AKAP13: variants seen among roughly 807,000 people sequenced by gnomAD.
AKAP13 encodes A-kinase anchor protein 13.
AKAP13 carries 80 observed loss-of-function variants against 264.5 expected under a neutral mutation model. That is an observed-to-expected ratio of 0.30 (90% confidence interval 0.25 to 0.36). AKAP13 has a LOEUF of 0.36. AKAP13 is among the 10% of genes least tolerant of loss of function. The pLI is 1.00. For missense variants in AKAP13, 3,712 were observed against 3,435.2 expected (o/e 1.08, Z -2.01); for synonymous variants, 1,380 against 1,250.2 (o/e 1.10, Z -2.19).
intron 6 of AKAP13, among the ~76,000 whole-genome samples, chr15:85,578,102 G>T (rs368739705): frequency 2.0e-5 from 3 of 152,156 alleles, no homozygotes; most frequent in African/African-American, 4.8e-5. Context: ...GGGCAACATA[G>T]TGAGACCCCG....
rs569525475 is a variant in AKAP13, at chr15:85,703,427, T to A, written c.5465-4592T>A. 3.9e-5 allele frequency among the ~76,000 whole-genome samples: 6 copies of A among 152,368 alleles called. No individual in the cohort carries two copies. In the East Asian group the frequency reaches 1.2e-3, roughly 29 times the overall value. ...AGATGATTTGGCTCTTTTTTGTGGC[T>A]TTCTTCTTGTTCTGTACATCAGCAC... On this transcript the variant is annotated intron_variant, in intron 17 of 36. Coordinates refer to ENST00000394518, the MANE Select transcript of AKAP13 (RefSeq NM_007200.5).
intron 5 of AKAP13, among the ~76,000 whole-genome samples, chr15:85,544,708 A>G (rs1268021562): frequency 6.6e-6 from 1 of 152,262 alleles, no homozygotes; most frequent in Non-Finnish European, 1.5e-5. Context: ...AGAAGTTTCA[A>G]GAATAGTTTC....
rs762647958 is a variant in AKAP13, at chr15:85,543,781, C to T, written c.488C>T (p.Pro163Leu). 14 of 1,603,336 alleles carry T rather than the reference C, an allele frequency of 8.7e-6. No homozygotes were observed. Among genetic ancestry groups the T allele is most frequent in the African/African-American group, 1.3e-5 (1 of 74,520 alleles). The stretch of plus-strand genomic sequence containing the variant: ...TCTCCCCCATTTACAGATGCTGGCC[C>T]GCGAGAGACATTGATGCATTTTGCT... ...GTDQSLHDAGPRETLMHFAVR... is the reference protein window; with the variant it reads ...GTDQSLHDAGLRETLMHFAVR... Residue 163 changes from proline to leucine, a missense_variant, in exon 5 of 37, where the codon CCG becomes CTG. Pro to Leu is a moderately conservative substitution (Grantham distance 98). This residue lies in a region of AKAP13 where 2,759 missense variants were observed against 2,411.7 expected (regional missense o/e 1.14). Transcript: ENST00000394518.
Position 85,579,293 on chromosome 15 carries a change from G to C in AKAP13, c.1225G>C (p.Val409Leu). Residue 409 changes from valine to leucine, a missense_variant, in exon 7 of 37, where the codon GTA (valine) becomes CTA (leucine). Physicochemically the swap from Val to Leu is conservative, Grantham distance 32. Around this residue, in one of 3 missense-constraint regions of AKAP13, gnomAD observed 2,759 missense variants for 2,411.7 expected, o/e 1.14. Transcript: ENST00000394518. ...CCTTCAGAGCTTGCCTGATTGTGGA[G>C]TAAAGGGCACGGAAGGCCTTTCGTC... ...SCLQSLPDCG[V>L]KGTEGLSSCG... 2 of 1,614,224 alleles carry C rather than the reference G, an allele frequency of 1.2e-6. No homozygotes were observed.
intron 8 of AKAP13, among the ~76,000 whole-genome samples, chr15:85,597,830 C>A (rs970294346): frequency 6.6e-6 from 1 of 152,032 alleles, no homozygotes; most frequent in African/African-American, 2.4e-5. Context: ...TACCTACCAA[C>A]CCAGTAAGCC....
rs772388645 is a variant in AKAP13, at chr15:85,533,772, C to T, written c.370C>T (p.Pro124Ser). The change falls in exon 4 of 37, where the codon CCC (proline) becomes TCC (serine). Residue 124 changes from proline to serine, a missense_variant. By Grantham distance (74) the Pro-to-Ser change is moderately conservative (BLOSUM62 -1). Around this residue, in one of 3 missense-constraint regions of AKAP13, gnomAD observed 2,759 missense variants for 2,411.7 expected, o/e 1.14. Coordinates refer to ENST00000394518, the MANE Select transcript of AKAP13 (RefSeq NM_007200.5). ...NFTRFLDQSG[P>S]PSGDVNSLDK... ...TACCCGTTTTCTTGACCAGTCAGGA[C>T]CCCCATCTGGGGATGTGAATTCCCT... The T allele has an allele frequency of 1.2e-6, 2 of 1,613,978 alleles. No individual in the cohort carries two copies. Among genetic ancestry groups the T allele is most frequent in the Admixed American group, 1.7e-5 (1 of 59,984 alleles).
At position 85,579,982 on chromosome 15, in the gene AKAP13, T is replaced by C; in HGVS notation, c.1914T>C (p.Asn638=). ...TGCCACACCAGAACTCAGAAACAAA[T>C]TCATCTCATGCTCAAAGCCAAAAGG... is the stretch of plus-strand genomic sequence containing the variant. ...DVMPHQNSET[N]SSHAQSQKGK... Residue 638 remains asparagine (N), a synonymous_variant, in exon 7 of 37, where the codon AAT becomes AAC. Coordinates refer to ENST00000394518, the MANE Select transcript of AKAP13 (RefSeq NM_007200.5). 6.2e-7 allele frequency: 1 copy of C among 1,614,200 alleles called. No individual in the cohort carries two copies. The highest frequency in any genetic ancestry group is 8.5e-7 in the Non-Finnish European group (1 of 1,180,034).
intron 10 of AKAP13, 87 bp from the exon 11 acceptor site, chr15:85,655,330 G>C (rs1861856): frequency 0.22 from 327,583 of 1,498,352 alleles, 38,264 homozygotes; most frequent in South Asian, 0.34. Context: ...GGAATCCACT[G>C]AGAAGCCATT....
At chr15:85,586,865 A>C (rs979982283) in intron 8 of AKAP13, among the ~76,000 whole-genome samples, 2 of 151,890 alleles carry the variant, frequency 1.3e-5, no homozygotes, top group Non-Finnish European at 2.9e-5. Context: ...GAGGCGGAGG[A>C]TGCAGTGAGC....
intron 8 of AKAP13, among the ~76,000 whole-genome samples, chr15:85,586,921 C>T (rs548085401): frequency 9.3e-6 from 1 of 107,550 alleles, no homozygotes; most frequent in African/African-American, 3.6e-5. Flanking sequence ...GAGCACGACA[C>T]CTTCTCAAAA....
At chr15:85,645,775 G>GGT in intron 9 of AKAP13, 43 bp from the exon 10 acceptor site, 4 of 1,371,588 alleles carry the variant, frequency 2.9e-6, no homozygotes, top group South Asian at 1.4e-5. Flanking sequence ...TGGTTTTTTT[G>GGT]TTTTTTTTTT....
intron 1 of AKAP13, among the ~76,000 whole-genome samples, chr15:85,394,033 G>C (rs1392317178): frequency 6.6e-6 from 1 of 152,026 alleles, no homozygotes; most frequent in African/African-American, 2.4e-5. Flanking sequence ...CTTTGTGGAT[G>C]GACATTAATA....
intron 1 of AKAP13, among the ~76,000 whole-genome samples, chr15:85,437,091 A>T (rs1446468748): frequency 6.8e-6 from 1 of 147,922 alleles, no homozygotes; most frequent in Non-Finnish European, 1.5e-5. Context: ...ATAAAGAAAA[A>T]AAGAGAGAAG....
chr15:85,560,195 C>A (rs1370652114), intron 5 of AKAP13, among the ~76,000 whole-genome samples: 2 of 144,344 alleles, frequency 1.4e-5, no homozygotes, highest in Non-Finnish European at 3.0e-5. Flanking sequence ...CTTCCTCTTG[C>A]TGGTCTGTCA....
At chr15:85,713,206 T>C (rs1420964632) in intron 19 of AKAP13, among the ~76,000 whole-genome samples, 1 of 152,134 alleles carries the variant, frequency 6.6e-6, no homozygotes, top group Admixed American at 6.5e-5. Flanking sequence ...GTTATTTTCT[T>C]CCCCCCTATG....
At chr15:85,428,192 T>C (rs2072880403) in intron 1 of AKAP13, among the ~76,000 whole-genome samples, 1 of 152,298 alleles carries the variant, frequency 6.6e-6, no homozygotes, top group African/African-American at 2.4e-5. Context: ...GATCAGGCCA[T>C]GGTACCTTTA....
intron 5 of AKAP13, among the ~76,000 whole-genome samples, chr15:85,551,213 A>G (rs1343741838): frequency 6.6e-6 from 1 of 152,018 alleles, no homozygotes; most frequent in African/African-American, 2.4e-5. Flanking sequence ...GCATTTTGAC[A>G]TTTTGTATTT....
At chr15:85,517,493 G>A (rs934275746) in intron 2 of AKAP13, among the ~76,000 whole-genome samples, 5 of 152,014 alleles carry the variant, frequency 3.3e-5, no homozygotes, top group Non-Finnish European at 5.9e-5. Flanking sequence ...AGGAAAATAC[G>A]TTCTTAGAAT....
At position 85,439,295 on chromosome 15, in the gene AKAP13, G is replaced by C. The variant is rs1177218396; in HGVS notation, c.-11-46415G>C. 1.1e-3 allele frequency among the ~76,000 whole-genome samples: 165 copies of C among 146,154 alleles called. 1 individual carries two copies. The highest frequency in any genetic ancestry group is 4.0e-3 in the African/African-American group (160 of 39,618). ...ATACCATCTCACACCAGTTAGAATG[G>C]CAATCATTAAAAAGTCAGGAAACAA... On this transcript the variant is annotated intron_variant, in intron 1 of 36. Transcript: ENST00000394518.
Sources: allele counts gnomAD v4.1 joint callset (sites outside exome capture counted in the v4.1 genomes callset), GRCh38; gene constraint gnomAD v4.1.1; regional missense constraint gnomAD v4.1.1; transcripts MANE v1.5; gene names NCBI Gene and HGNC (gene_info 2026-07-23, HGNC 2026-07-21).